The following HSD17B12 variants were observed in gnomAD, a reference collection of about 807,000 sequenced individuals.
HSD17B12 encodes hydroxysteroid 17-beta dehydrogenase 12.
HSD17B12 carries 32 observed loss-of-function variants against 39.3 expected under a neutral mutation model. The ratio of observed to expected loss-of-function variants is 0.81; its 90% confidence interval spans 0.61 to 1.09. HSD17B12 has a LOEUF of 1.09. Among genes scored for constraint, HSD17B12 ranks in the 50% least tolerant of loss-of-function variants. The pLI is 0.00. For synonymous variants in HSD17B12, 150 were observed against 146.7 expected (o/e 1.02, Z -0.16); for missense variants, 342 against 382.9 (o/e 0.89, Z 0.89).
the HSD17B12 span, among the ~76,000 whole-genome samples, chr11:43,656,688 A>G: frequency 6.6e-6 from 1 of 152,128 alleles, no homozygotes; most frequent in African/African-American, 2.4e-5. Context: ...CAGGGTGTTC[A>G]GTTTTCATGT....
the HSD17B12 span, among the ~76,000 whole-genome samples, chr11:43,576,096 T>C: frequency 7.2e-5 from 11 of 152,116 alleles, no homozygotes; most frequent in Admixed American, 6.5e-4. Flanking sequence ...ATCTGATCAA[T>C]GGAGACATGC....
At chr11:43,797,333 G>C (rs1380402839) in intron 3 of HSD17B12, among the ~76,000 whole-genome samples, 2 of 152,210 alleles carry the variant, frequency 1.3e-5, no homozygotes, top group Non-Finnish European at 2.9e-5. Flanking sequence ...AGCATTCCTA[G>C]CTCACTGGAC....
At chr11:43,815,408 A>C (rs377357774) in intron 4 of HSD17B12, 29 bp from the exon 5 acceptor site, 9 of 1,357,084 alleles carry the variant, frequency 6.6e-6, no homozygotes, top group Non-Finnish European at 9.3e-6. Flanking sequence ...TGCATATGTT[A>C]CTCAGCTAAT....
At chr11:43,602,229 A>G in the HSD17B12 span, among the ~76,000 whole-genome samples, 1 of 152,238 alleles carries the variant, frequency 6.6e-6, no homozygotes, top group Non-Finnish European at 1.5e-5. Context: ...AAATCAATAC[A>G]TGTTCATTGT....
chr11:43,734,669 T>G, intron 1 of HSD17B12: 1 of 244,554 alleles, frequency 4.1e-6, no homozygotes, highest in Non-Finnish European at 8.1e-6. Context: ...ACTGTGAAAT[T>G]TCATGATTGG....
chr11:43,845,958 A>G (rs964853882), intron 9 of HSD17B12, among the ~76,000 whole-genome samples: 12 of 152,222 alleles, frequency 7.9e-5, no homozygotes, highest in Non-Finnish European at 1.5e-5. Flanking sequence ...ATATTTCGTC[A>G]TTTCAAAATG....
intron 9 of HSD17B12, chr11:43,853,872 G>A (rs1951557224): frequency 6.6e-6 from 1 of 152,166 alleles, no homozygotes; most frequent in Non-Finnish European, 1.5e-5. Context: ...TTCACTCTTT[G>A]TTGAACTACC....
chr11:43,593,998 A>C, the HSD17B12 span, among the ~76,000 whole-genome samples: 1 of 152,170 alleles, frequency 6.6e-6, no homozygotes, highest in Non-Finnish European at 1.5e-5. Context: ...CACTGCTGTT[A>C]AATTTGCCAC....
chr11:43,687,896 C>T (rs562954023), intron 1 of HSD17B12, among the ~76,000 whole-genome samples: 1 of 152,308 alleles, frequency 6.6e-6, no homozygotes, highest in African/African-American at 2.4e-5. Context: ...TTCAGATAAA[C>T]TCAGTTAAAA....
chr11:43,581,441 A>G, the HSD17B12 span: 1 of 524,382 alleles, frequency 1.9e-6, no homozygotes, highest in Non-Finnish European at 3.9e-6. This position sits in a 1 kb window ranked among gnomAD's most constrained non-coding sequence, Gnocchi z 4.9. Context: ...TACATAACTC[A>G]ATAGCCGGAA....
intron 4 of HSD17B12, among the ~76,000 whole-genome samples, chr11:43,807,100 C>CT (rs748465901): frequency 2.0e-5 from 3 of 151,784 alleles, no homozygotes; most frequent in Admixed American, 6.6e-5. Context: ...CTTTTCTTTC[C>CT]TTTTTTTTGA....
the HSD17B12 span, among the ~76,000 whole-genome samples, chr11:43,664,212 A>G: frequency 6.6e-6 from 1 of 152,124 alleles, no homozygotes; most frequent in Non-Finnish European, 1.5e-5. Flanking sequence ...CAGTATATGG[A>G]GGTTATACAT....
chr11:43,770,528 A>C (rs1166057779), intron 3 of HSD17B12, among the ~76,000 whole-genome samples: 8 of 152,192 alleles, frequency 5.3e-5, no homozygotes, highest in Non-Finnish European at 1.0e-4. Flanking sequence ...AGAAGTTCAA[A>C]AGACCAACCT....
At chr11:43,707,532 A>G (rs1189316304) in intron 1 of HSD17B12, among the ~76,000 whole-genome samples, 1 of 152,204 alleles carries the variant, frequency 6.6e-6, no homozygotes, top group East Asian at 1.9e-4. Context: ...CTCTTCTGAG[A>G]GATAGTCACA....
Position 43,855,342 on chromosome 11 carries a change from A to G in HSD17B12, c.*94A>G. 1.5e-6 allele frequency: 1 copy of G among 646,420 alleles called. No individual in the cohort carries two copies. Among genetic ancestry groups the G allele is most frequent in the Non-Finnish European group, 2.6e-6 (1 of 383,352 alleles). The allele number at this position is 646,420 out of a possible 1,614,324, so 40.0% of individuals were successfully genotyped here. ...CTGGTTTTGAAAATCTGACCTTGTC[A>G]TTTCAATAGTTATTAACATGACTAA... On this transcript the variant is annotated 3_prime_UTR_variant, in exon 11 of 11. Coordinates refer to ENST00000278353, the MANE Select transcript of HSD17B12 (RefSeq NM_016142.3).
intron 3 of HSD17B12, among the ~76,000 whole-genome samples, chr11:43,785,096 G>GTT (rs34389751): frequency 1.3e-5 from 2 of 149,650 alleles, no homozygotes; most frequent in Non-Finnish European, 3.0e-5. Context: ...AGTAAACAGG[G>GTT]TTTTTTTTTT....
At chr11:43,842,204 C>T (rs1951433267) in intron 9 of HSD17B12, among the ~76,000 whole-genome samples, 1 of 152,128 alleles carries the variant, frequency 6.6e-6, no homozygotes, top group Non-Finnish European at 1.5e-5. Flanking sequence ...TCCTTTATGC[C>T]TGTAGAGCAT....
chr11:43,642,196 T>C, the HSD17B12 span, among the ~76,000 whole-genome samples: 1 of 151,708 alleles, frequency 6.6e-6, no homozygotes, highest in Admixed American at 6.6e-5. Context: ...ATTACTAAAT[T>C]TTTTGGTATA....
intron 1 of HSD17B12, among the ~76,000 whole-genome samples, chr11:43,700,364 C>A (rs1220233530): frequency 6.6e-6 from 1 of 152,014 alleles, no homozygotes. Flanking sequence ...GAATTACAAA[C>A]AAAAATGTAC....
Sources: allele counts gnomAD v4.1 joint callset (sites outside exome capture counted in the v4.1 genomes callset), GRCh38; gene constraint gnomAD v4.1.1; non-coding constraint Gnocchi (gnomAD v3.1); transcripts MANE v1.5; gene names NCBI Gene and HGNC (gene_info 2026-07-23, HGNC 2026-07-21).